LSM14A: variants seen among roughly 807,000 people sequenced by gnomAD.
LSM14A encodes LSM14A mRNA processing body assembly factor.
A neutral mutation model predicts 52.4 loss-of-function variants in LSM14A; 14 were observed. The observed-to-expected ratio is 0.27, with a 90% CI of 0.18 to 0.42. The LOEUF (loss-of-function observed/expected upper bound fraction) is 0.42. Ranked by LOEUF, LSM14A falls within the 10% of genes least tolerant of loss-of-function variation. The pLI is 1.00. For missense variants in LSM14A, 417 were observed against 581.8 expected, an observed-to-expected ratio of 0.72 and a Z score of 2.91; for synonymous variants, 185 against 200.3, an observed-to-expected ratio of 0.92 and a Z score of 0.64.
chr19:34,205,402 C>T (rs377085612), intron 3 of LSM14A, among the ~76,000 whole-genome samples: 2 of 143,484 alleles, frequency 1.4e-5, no homozygotes, highest in African/African-American at 5.1e-5. Context: ...AGGAGAAACG[C>T]TTGAACCCGG....
At chr19:34,213,442 A>G (rs762028142) in intron 4 of LSM14A, among the ~76,000 whole-genome samples, 1 of 152,236 alleles carries the variant, frequency 6.6e-6, no homozygotes, top group Non-Finnish European at 1.5e-5. Flanking sequence ...AAATATTACT[A>G]ATAAATTATC....
chr19:34,192,297 C>G (rs1388609392), intron 1 of LSM14A, among the ~76,000 whole-genome samples: 3 of 121,712 alleles, frequency 2.5e-5, no homozygotes, highest in Non-Finnish European at 5.5e-5. Flanking sequence ...ATTATTTACA[C>G]TGAAATAACA....
intron 6 of LSM14A, among the ~76,000 whole-genome samples, chr19:34,218,544 G>A (rs1161225087): frequency 6.6e-6 from 1 of 152,134 alleles, no homozygotes; most frequent in Non-Finnish European, 1.5e-5. Flanking sequence ...CAGTATGTGT[G>A]GAGCATTTCA....
chr19:34,210,044 A>T (rs1002557160), intron 4 of LSM14A, among the ~76,000 whole-genome samples: 2 of 152,028 alleles, frequency 1.3e-5, no homozygotes, highest in Non-Finnish European at 1.5e-5. Context: ...TATGCACTTT[A>T]GAAATGGGTA....
At chr19:34,202,125 A>AGTT (rs2071336262) in intron 3 of LSM14A, among the ~76,000 whole-genome samples, 1 of 116,428 alleles carries the variant, frequency 8.6e-6, no homozygotes, top group African/African-American at 3.4e-5. Flanking sequence ...CTTTTTAGTA[A>AGTT]GTTTTTTTTT....
Position 34,208,840 on chromosome 19 carries a change from C to A in LSM14A, c.416-89C>A, listed in dbSNP as rs1033039126. 2.7e-5 allele frequency: 22 copies of A among 822,768 alleles called. No homozygotes were observed. In the African/African-American group the frequency reaches 3.1e-4, roughly 12 times the overall value. The allele number at this position is 822,768 out of a possible 1,614,324, so 51.0% of individuals were successfully genotyped here. A position where few individuals can be genotyped will look rare whatever the true frequency, so the allele number is the denominator to read the frequency against. ...GCTGGGGGGAGAGGTAGACAATTAC[C>A]ATCATTAAAATGCTGCATTACTTTA... is the stretch of plus-strand genomic sequence containing the variant. On this transcript the variant is annotated intron_variant, in intron 3 of 9. Coordinates refer to ENST00000544216, the MANE Select transcript of LSM14A (RefSeq NM_015578.4).
chr19:34,214,292 C>CTTTATTTATTTA (rs61278191), intron 4 of LSM14A, among the ~76,000 whole-genome samples: 20 of 148,498 alleles, frequency 1.3e-4, no homozygotes, highest in African/African-American at 4.8e-4. Context: ...AGTTCTTTTA[C>CTTTATTTATTTA]TTTATTTATT....
intron 1 of LSM14A, among the ~76,000 whole-genome samples, chr19:34,192,319 G>GTTTTTGT (rs2070456229): frequency 1.9e-5 from 1 of 53,410 alleles, no homozygotes; most frequent in Admixed American, 2.9e-4. Flanking sequence ...TCTTTTTGTT[G>GTTTTTGT]TTTTTTTTTT....
At chr19:34,187,103 C>T (rs2069968770) in intron 1 of LSM14A, among the ~76,000 whole-genome samples, 1 of 151,546 alleles carries the variant, frequency 6.6e-6, no homozygotes, top group African/African-American at 2.4e-5. Context: ...CAAACATTAG[C>T]CTGGGCGTAG....
At chr19:34,189,900 A>G (rs1484293416) in intron 1 of LSM14A, among the ~76,000 whole-genome samples, 1 of 152,200 alleles carries the variant, frequency 6.6e-6, no homozygotes, top group Non-Finnish European at 1.5e-5. Flanking sequence ...AGTAAAGGTG[A>G]CCAGAAGTGG....
At position 34,229,164 on chromosome 19, in the gene LSM14A, C is replaced by T. The variant is rs541284100; in HGVS notation, c.*1776C>T. On this transcript the variant is annotated 3_prime_UTR_variant, in exon 10 of 10. Coordinates refer to ENST00000544216, the MANE Select transcript of LSM14A (RefSeq NM_015578.4). Reference sequence around the variant, plus strand: ...GAGTTTATGCGTTTTCCCAGCCCTCCGAATCACTGACTGGGGCGTTTTGTG... The same window carrying T: ...GAGTTTATGCGTTTTCCCAGCCCTCTGAATCACTGACTGGGGCGTTTTGTG... 2.6e-5 allele frequency: 4 copies of T among 152,270 alleles called. No homozygotes were observed. Among genetic ancestry groups the T allele is most frequent in the East Asian group, 1.9e-4 (1 of 5,184 alleles). The allele number at this position is 152,270 out of a possible 1,614,324, so 9.4% of individuals were successfully genotyped here. A position where few individuals can be genotyped will look rare whatever the true frequency, so the allele number is the denominator to read the frequency against.
chr19:34,197,431 C>CTTTTTT, intron 3 of LSM14A, among the ~76,000 whole-genome samples: 349 of 63,276 alleles, frequency 5.5e-3, no homozygotes, highest in East Asian at 0.018. Context: ...ATTTCTTTTT[C>CTTTTTT]TTTTTTTTTT....
At chr19:34,221,874 G>T in intron 9 of LSM14A, 136 bp downstream of exon 9, 1 of 1,423,758 alleles carries the variant, frequency 7.0e-7, no homozygotes, top group Non-Finnish European at 9.2e-7. Context: ...TTCAGTAGAG[G>T]ATATACGTGA....
At chr19:34,177,892 A>T (rs2145478981) in intron 1 of LSM14A, among the ~76,000 whole-genome samples, 1 of 152,096 alleles carries the variant, frequency 6.6e-6, no homozygotes, top group Admixed American at 6.5e-5. Flanking sequence ...AAAAAATAAC[A>T]ATGATAGCCT....
At chr19:34,222,067 CAA>C (rs2073097867) in intron 9 of LSM14A, among the ~76,000 whole-genome samples, 1 of 152,128 alleles carries the variant, frequency 6.6e-6, no homozygotes, top group Non-Finnish European at 1.5e-5. Flanking sequence ...TACCAAGTAA[CAA>C]GACATTGTTT....
At chr19:34,191,169 A>G (rs2070351098) in intron 1 of LSM14A, among the ~76,000 whole-genome samples, 1 of 152,062 alleles carries the variant, frequency 6.6e-6, no homozygotes, top group African/African-American at 2.4e-5. Context: ...TTTATTAGTT[A>G]TGCTGTTTTA....
Position 34,210,764 on chromosome 19 carries a change from G to A in LSM14A, c.538+1713G>A, listed in dbSNP as rs373933558. 6.4e-4 allele frequency among the ~76,000 whole-genome samples: 97 copies of A among 150,794 alleles called. 1 individual carries two copies. Among genetic ancestry groups the A allele is most frequent in the African/African-American group, 2.3e-3 (93 of 41,004 alleles). On this transcript the variant is annotated intron_variant, in intron 4 of 9. Transcript: ENST00000544216. ...CACCAGCTAGTTTTGTAGGGACGGGGTTTCGCCATGTTGCCAAGGCTGGTC... is the reference window on the plus strand; with the variant it reads ...CACCAGCTAGTTTTGTAGGGACGGGATTTCGCCATGTTGCCAAGGCTGGTC...
chr19:34,194,015 T>TA (rs1195796876), intron 1 of LSM14A, among the ~76,000 whole-genome samples: 2 of 151,800 alleles, frequency 1.3e-5, no homozygotes, highest in African/African-American at 2.4e-5. Context: ...TACTAAAAAA[T>TA]AAAAAAAGTT....
At chr19:34,227,308 A>C in intron 9 of LSM14A, 57 bp from the exon 10 acceptor site, 2 of 1,214,248 alleles carry the variant, frequency 1.6e-6, no homozygotes, top group Non-Finnish European at 2.4e-6. Context: ...GCAAAGTAAA[A>C]AGAAAATAAT....
Sources: gnomAD v4.1 joint callset for allele counts (sites outside exome capture counted in the v4.1 genomes callset) on GRCh38, gnomAD v4.1.1 for gene constraint, MANE v1.5 for transcripts, NCBI Gene and HGNC (gene_info 2026-07-23, HGNC 2026-07-21) for gene names.